The following ADAMTSL1 variants were observed in gnomAD, a reference collection of about 807,000 sequenced individuals.
ADAMTSL1 encodes ADAMTS like 1.
In ADAMTSL1, 126 loss-of-function variants were observed where a neutral mutation model predicts 201.8. The ratio of observed to expected loss-of-function variants is 0.62; its 90% confidence interval spans 0.54 to 0.72. The LOEUF (loss-of-function observed/expected upper bound fraction) is 0.72. Ranked by LOEUF, ADAMTSL1 falls within the 30% of genes least tolerant of loss-of-function variation. The pLI is 0.00. For missense variants in ADAMTSL1, 2,679 were observed against 2,277.8 expected (o/e 1.18, Z -3.59); for synonymous variants, 1,121 against 903.4 (o/e 1.24, Z -4.32).
intron 1 of ADAMTSL1, among the ~76,000 whole-genome samples, chr9:18,098,291 C>A (rs1261305942): frequency 6.6e-6 from 1 of 151,990 alleles, no homozygotes; most frequent in Non-Finnish European, 1.5e-5. Flanking sequence ...TGACTAGTTT[C>A]TTTGCATTTC....
chr9:18,626,874 TCTTCCTTC>T (rs144729108), intron 5 of ADAMTSL1, among the ~76,000 whole-genome samples: 18 of 112,916 alleles, frequency 1.6e-4, no homozygotes, highest in African/African-American at 4.5e-4. Context: ...TTTCTGTCTT[TCTTCCTTC>T]CTTCCTTCCT....
chr9:18,156,066 G>T (rs1219994194), intron 1 of ADAMTSL1, among the ~76,000 whole-genome samples: 1 of 152,002 alleles, frequency 6.6e-6, no homozygotes, highest in Non-Finnish European at 1.5e-5. Context: ...GTTTCTGCCA[G>T]ACTGGGGAGT....
chr9:18,213,118 C>T (rs1829937344), intron 2 of ADAMTSL1, among the ~76,000 whole-genome samples: 1 of 152,168 alleles, frequency 6.6e-6, no homozygotes, highest in Non-Finnish European at 1.5e-5. Context: ...AATTCACTTA[C>T]CACATGACTT....
chr9:18,502,365 A>G (rs901882482), intron 1 of ADAMTSL1, among the ~76,000 whole-genome samples: 8 of 152,240 alleles, frequency 5.3e-5, no homozygotes, highest in African/African-American at 1.9e-4. Context: ...CTGCTTCAGG[A>G]AAATACTGCA....
intron 2 of ADAMTSL1, among the ~76,000 whole-genome samples, chr9:18,258,936 G>C (rs1453099703): frequency 6.6e-6 from 1 of 152,170 alleles, no homozygotes; most frequent in Non-Finnish European, 1.5e-5. Flanking sequence ...ACCAAGTCCA[G>C]TGAACATTCC....
intron 26 of ADAMTSL1, among the ~76,000 whole-genome samples, chr9:18,893,510 C>G (rs960781208): frequency 2.0e-5 from 3 of 152,130 alleles, no homozygotes; most frequent in African/African-American, 7.2e-5. Flanking sequence ...TGTGAATCAC[C>G]TGGGAATCTT....
intron 26 of ADAMTSL1, among the ~76,000 whole-genome samples, chr9:18,902,814 C>G (rs1830084968): frequency 1.3e-5 from 2 of 152,074 alleles, no homozygotes; most frequent in Non-Finnish European, 1.5e-5. Context: ...CCAAAATAGA[C>G]AAACTTTTAG....
chr9:18,031,133 A>G (rs986112934), intron 1 of ADAMTSL1, among the ~76,000 whole-genome samples: 2 of 152,074 alleles, frequency 1.3e-5, no homozygotes. Flanking sequence ...TTTGCCGTCC[A>G]GATTTTGAAT....
chr9:18,303,696 T>C (rs1833794660), intron 2 of ADAMTSL1, among the ~76,000 whole-genome samples: 2 of 152,170 alleles, frequency 1.3e-5, no homozygotes, highest in South Asian at 4.2e-4. Flanking sequence ...GGGTATGAAA[T>C]AGTGGACCTT....
chr9:18,841,284 A>G (rs1049199278), intron 23 of ADAMTSL1, among the ~76,000 whole-genome samples: 4 of 151,944 alleles, frequency 2.6e-5, no homozygotes, highest in African/African-American at 7.2e-5. Flanking sequence ...TTCTGCATCT[A>G]TTGAGATAAT....
intron 4 of ADAMTSL1, among the ~76,000 whole-genome samples, chr9:18,604,152 G>C (rs1039923872): frequency 6.6e-6 from 1 of 152,186 alleles, no homozygotes; most frequent in Non-Finnish European, 1.5e-5. Context: ...TAAGTGCAAG[G>C]AAGAACAAAG....
At chr9:18,830,707 C>T (rs1301033728) in intron 23 of ADAMTSL1, among the ~76,000 whole-genome samples, 1 of 152,054 alleles carries the variant, frequency 6.6e-6, no homozygotes, top group East Asian at 1.9e-4. Flanking sequence ...GAGAAGAATT[C>T]TTCTGCCTTC....
At chr9:18,111,542 G>T (rs7858651) in intron 1 of ADAMTSL1, among the ~76,000 whole-genome samples, 7,244 of 152,152 alleles carry the variant, frequency 0.048, 522 homozygotes, top group African/African-American at 0.15. Context: ...AAAGAAAGCT[G>T]TGCAAAACCT....
intron 1 of ADAMTSL1, among the ~76,000 whole-genome samples, chr9:18,081,572 G>A (rs965416267): frequency 2.0e-5 from 3 of 152,042 alleles, no homozygotes; most frequent in African/African-American, 7.2e-5. Context: ...AATGACACAT[G>A]TTTGCAGATT....
At chr9:18,438,763 C>T (rs115368905) in intron 2 of ADAMTSL1, among the ~76,000 whole-genome samples, 1 of 152,124 alleles carries the variant, frequency 6.6e-6, no homozygotes, top group Non-Finnish European at 1.5e-5. Flanking sequence ...CCCAAACAGA[C>T]GAGCCGGCGC....
At chr9:18,873,956 C>G (rs893689758) in intron 23 of ADAMTSL1, among the ~76,000 whole-genome samples, 3 of 151,692 alleles carry the variant, frequency 2.0e-5, no homozygotes, top group Non-Finnish European at 4.4e-5. Flanking sequence ...TTTGTGTCGT[C>G]TATGATTTTT....
chr9:18,649,951 C>G (rs776788), intron 7 of ADAMTSL1, among the ~76,000 whole-genome samples: 99,416 of 151,880 alleles, frequency 0.65, 32,873 homozygotes, highest in East Asian at 0.76. Flanking sequence ...AGTCTGCAGA[C>G]GTTACTGCTG....
intron 26 of ADAMTSL1, among the ~76,000 whole-genome samples, chr9:18,893,256 C>T (rs879007347): frequency 1.3e-5 from 2 of 152,142 alleles, no homozygotes; most frequent in Admixed American, 1.3e-4. Context: ...TCCAGGCCCT[C>T]GAGGCTTATT....
intron 2 of ADAMTSL1, among the ~76,000 whole-genome samples, chr9:18,188,416 A>G (rs1375216869): frequency 6.6e-6 from 1 of 152,166 alleles, no homozygotes; most frequent in Non-Finnish European, 1.5e-5. Context: ...TGGCAAATGA[A>G]AACATGAACT....
Sources: gnomAD v4.1 joint callset for allele counts (sites outside exome capture counted in the v4.1 genomes callset) on GRCh38, gnomAD v4.1.1 for gene constraint, MANE v1.5 for transcripts, NCBI Gene and HGNC (gene_info 2026-07-23, HGNC 2026-07-21) for gene names.